The following UIMC1 variants were observed in gnomAD, a reference collection of about 807,000 sequenced individuals.
The protein encoded by UIMC1 is BRCA1-A complex subunit RAP80.
UIMC1 carries 42 observed loss-of-function variants against 84.9 expected under a neutral mutation model. The ratio of observed to expected loss-of-function variants is 0.49; its 90% CI spans 0.39 to 0.64. The LOEUF (loss-of-function observed/expected upper bound fraction) is 0.64. UIMC1 is among the 30% of genes least tolerant of loss of function. The pLI, the probability that UIMC1 is intolerant of heterozygous loss-of-function variation, is 0.00. For synonymous variants in UIMC1, 281 were observed against 293.0 expected (o/e 0.96, Z 0.42); for missense variants, 825 against 847.6 (o/e 0.97, Z 0.33).
intron 1 of UIMC1, among the ~76,000 whole-genome samples, chr5:176,996,825 T>C (rs928159331): frequency 7.9e-5 from 12 of 152,126 alleles, no homozygotes; most frequent in African/African-American, 2.9e-4. Context: ...TTGCCTGCCA[T>C]TGGGTCTTAC....
upstream of UIMC1, among the ~76,000 whole-genome samples, chr5:177,008,125 G>C (rs1775452594): frequency 6.7e-6 from 1 of 148,860 alleles, no homozygotes; most frequent in Admixed American, 6.8e-5. Context: ...AAAAGAGAGA[G>C]AGAGACCTAA....
intron 10 of UIMC1, among the ~76,000 whole-genome samples, chr5:176,917,589 A>C (rs1428595663): frequency 1.3e-5 from 2 of 152,162 alleles, no homozygotes; most frequent in Non-Finnish European, 1.5e-5. Flanking sequence ...ACAAAAACAA[A>C]AACAAAAAAA....
chr5:176,952,935 A>AC (rs1766075459), intron 8 of UIMC1, among the ~76,000 whole-genome samples: 1 of 152,194 alleles, frequency 6.6e-6, no homozygotes, highest in Admixed American at 6.5e-5. Context: ...ATGTTTGTGT[A>AC]CCCCCCGAAC....
intron 1 of UIMC1, among the ~76,000 whole-genome samples, chr5:176,999,951 C>T (rs1774204874): frequency 6.6e-6 from 1 of 152,004 alleles, no homozygotes; most frequent in African/African-American, 2.4e-5. Context: ...GATAGCTCTA[C>T]TTTTAGTTGT....
At chr5:177,005,811 T>C (rs1457767497) in intron 1 of UIMC1, among the ~76,000 whole-genome samples, 1 of 152,056 alleles carries the variant, frequency 6.6e-6, no homozygotes, top group Admixed American at 6.5e-5. Context: ...GAAAGAACAC[T>C]GGAGTCCAGC....
chr5:177,006,888 C>G (rs532704395), upstream of UIMC1: 1 of 152,220 alleles, frequency 6.6e-6, no homozygotes, highest in Non-Finnish European at 1.5e-5. Flanking sequence ...TCGCACCTTG[C>G]GCGGTCTCAG....
At chr5:176,922,148 GC>G (rs138814342) in intron 10 of UIMC1, among the ~76,000 whole-genome samples, 4,200 of 152,082 alleles carry the variant, frequency 0.028, 209 homozygotes, top group African/African-American at 0.096. Flanking sequence ...CCCTCTTCTT[GC>G]CTTGTTTTTC....
intron 10 of UIMC1, among the ~76,000 whole-genome samples, chr5:176,933,517 G>C (rs1763365513): frequency 6.8e-6 from 1 of 147,262 alleles, no homozygotes; most frequent in Non-Finnish European, 1.5e-5. Flanking sequence ...AAGGCTCATT[G>C]CTAGTTTAGA....
chr5:176,993,079 G>A (rs1258973206), intron 1 of UIMC1, among the ~76,000 whole-genome samples: 1 of 151,734 alleles, frequency 6.6e-6, no homozygotes, highest in Non-Finnish European at 1.5e-5. Context: ...CCAGCTACTG[G>A]GGAGGCTGAG....
chr5:176,905,268 TG>T lies in UIMC1; in HGVS notation c.*13del. The T allele has an allele frequency of 6.2e-7, 1 of 1,613,114 alleles. No homozygotes were observed. Among genetic ancestry groups the T allele is most frequent in the Non-Finnish European group, 8.5e-7 (1 of 1,179,300 alleles). ...TCCTACTAATGGTTTTGTCAACTTT[TG>T]GACCCTAGAAATTCAGAATTTTCTC... On this transcript the variant is annotated 3_prime_UTR_variant, in exon 15 of 15. Transcript: ENST00000511320.
chr5:177,010,997 A>G (rs1271047774), upstream of UIMC1, among the ~76,000 whole-genome samples: 1 of 152,082 alleles, frequency 6.6e-6, no homozygotes, highest in Non-Finnish European at 1.5e-5. Context: ...GTTCGAGACC[A>G]GCCTGGGCAA....
intron 10 of UIMC1, 80 bp downstream of exon 10, chr5:176,943,255 T>C (rs951555463): frequency 6.8e-7 from 1 of 1,471,990 alleles, no homozygotes; most frequent in Non-Finnish European, 9.0e-7. Context: ...AGCTATGTTT[T>C]TTCCCTGCAT....
chr5:176,948,530 G>A (rs992906936), intron 9 of UIMC1, among the ~76,000 whole-genome samples: 1 of 152,102 alleles, frequency 6.6e-6, no homozygotes, highest in Non-Finnish European at 1.5e-5. Context: ...CTTCCTTAAT[G>A]CCCTAGGAAT....
intron 1 of UIMC1, among the ~76,000 whole-genome samples, chr5:176,994,715 T>C (rs532448524): frequency 6.6e-6 from 1 of 151,996 alleles, no homozygotes; most frequent in Admixed American, 6.6e-5. Flanking sequence ...AGTTGGCTAG[T>C]TTGAATGGTG....
intron 9 of UIMC1, among the ~76,000 whole-genome samples, chr5:176,949,013 C>T (rs1355632632): frequency 6.6e-6 from 1 of 151,778 alleles, no homozygotes; most frequent in Non-Finnish European, 1.5e-5. Flanking sequence ...AAAATATTTT[C>T]CTACTATATT....
intron 1 of UIMC1, among the ~76,000 whole-genome samples, chr5:177,019,729 C>T (rs1200618619): frequency 1.3e-5 from 2 of 151,650 alleles, no homozygotes; most frequent in African/African-American, 4.8e-5. Context: ...GCCAGGAGTT[C>T]AAGACCAGCC....
At chr5:176,948,854 C>T (rs535128091) in intron 9 of UIMC1, among the ~76,000 whole-genome samples, 4 of 152,166 alleles carry the variant, frequency 2.6e-5, no homozygotes, top group African/African-American at 4.8e-5. Flanking sequence ...GACAAATGAC[C>T]TACACAGATC....
At chr5:176,932,308 G>A (rs1763192430) in intron 10 of UIMC1, among the ~76,000 whole-genome samples, 1 of 152,198 alleles carries the variant, frequency 6.6e-6, no homozygotes, top group South Asian at 2.1e-4. Flanking sequence ...TGTTTTATAA[G>A]CTGCTCCTGT....
chr5:176,944,930 C>G (rs1764895082), intron 9 of UIMC1, among the ~76,000 whole-genome samples: 1 of 152,222 alleles, frequency 6.6e-6, no homozygotes, highest in African/African-American at 2.4e-5. Flanking sequence ...TCCCTCCCAA[C>G]AAGCCGCTGG....
Sources: gnomAD v4.1 joint callset for allele counts (sites outside exome capture counted in the v4.1 genomes callset) on GRCh38, gnomAD v4.1.1 for gene constraint, MANE v1.5 for transcripts, NCBI Gene and HGNC (gene_info 2026-07-23, HGNC 2026-07-21) for gene names.